Variants in MSH3 observed in about 807,000 individuals in gnomAD.
MSH3 encodes the protein DNA mismatch repair protein Msh3.
A neutral mutation model predicts 123.3 loss-of-function variants in MSH3; 106 were observed. The ratio of observed to expected loss-of-function variants is 0.86; its 90% CI spans 0.73 to 1.01. The LOEUF is 1.01. MSH3 is among the 50% of genes least tolerant of loss of function. MSH3 has a pLI of 0.00. For missense variants in MSH3, 1,459 were observed against 1,347.6 expected, an observed-to-expected ratio of 1.08 and a Z score of -1.29; for synonymous variants, 515 against 481.4, an observed-to-expected ratio of 1.07 and a Z score of -0.91.
At chr5:80,802,675 A>G (rs529578224) in intron 19 of MSH3, among the ~76,000 whole-genome samples, 2 of 152,236 alleles carry the variant, frequency 1.3e-5, no homozygotes, top group African/African-American at 4.8e-5. Context: ...TATTCATTGT[A>G]TGTAACTATA....
At chr5:80,715,132 C>T (rs898763563) in intron 8 of MSH3, 50 of 152,178 alleles carry the variant, frequency 3.3e-4, no homozygotes, top group African/African-American at 1.2e-3. Flanking sequence ...TCAATTTACT[C>T]ATTTTTAAAA....
intron 9 of MSH3, among the ~76,000 whole-genome samples, chr5:80,728,171 C>G (rs2112857336): frequency 6.6e-6 from 1 of 152,220 alleles, no homozygotes; most frequent in East Asian, 1.9e-4. Context: ...GACTTTTGAG[C>G]AAAATAGTCT....
chr5:80,827,050 A>G (rs1448932448), intron 20 of MSH3, among the ~76,000 whole-genome samples: 1 of 152,224 alleles, frequency 6.6e-6, no homozygotes, highest in African/African-American at 2.4e-5. Context: ...TGAATGCATC[A>G]CTGAGATAAG....
intron 20 of MSH3, among the ~76,000 whole-genome samples, chr5:80,839,597 T>A (rs1303043065): frequency 6.6e-6 from 1 of 152,190 alleles, no homozygotes; most frequent in Non-Finnish European, 1.5e-5. Context: ...TGTCCATTTA[T>A]CAATCTCCAT....
intron 20 of MSH3, among the ~76,000 whole-genome samples, chr5:80,821,070 A>C (rs1308119312): frequency 6.6e-6 from 1 of 152,216 alleles, no homozygotes; most frequent in Non-Finnish European, 1.5e-5. Context: ...GTTGTCATGT[A>C]GTTTAAATAA....
chr5:80,759,877 T>C (rs1476412245), intron 12 of MSH3, among the ~76,000 whole-genome samples: 1 of 152,160 alleles, frequency 6.6e-6, no homozygotes, highest in Non-Finnish European at 1.5e-5. Flanking sequence ...TCTGTCTTGC[T>C]CTCCTGCATC....
chr5:80,676,758 G>A (rs1749848701), intron 7 of MSH3, among the ~76,000 whole-genome samples: 1 of 152,156 alleles, frequency 6.6e-6, no homozygotes, highest in South Asian at 2.1e-4. Flanking sequence ...TATACAAATA[G>A]TAAAGTTATT....
At chr5:80,655,114 C>G (rs536150054) in intron 1 of MSH3, 150 bp downstream of exon 1, 1 of 529,114 alleles carries the variant, frequency 1.9e-6, no homozygotes, top group Non-Finnish European at 3.2e-6. Flanking sequence ...AAGAGCCCAG[C>G]CGGGGCTACA....
intron 19 of MSH3, among the ~76,000 whole-genome samples, chr5:80,807,279 T>A (rs1744908605): frequency 6.6e-6 from 1 of 151,312 alleles, no homozygotes; most frequent in Non-Finnish European, 1.5e-5. Flanking sequence ...CATAGGCTAA[T>A]GGATATAAAC....
rs373663416 is a variant in MSH3, at chr5:80,844,616, A to G, written c.2814-9514A>G. Among the ~76,000 whole-genome samples, 13 of 152,142 alleles carry G rather than the reference A, an allele frequency of 8.5e-5. No individual in the cohort carries two copies. In the East Asian group the frequency reaches 2.5e-3, roughly 29 times the overall value. On this transcript the variant is annotated intron_variant, in intron 20 of 23. Transcript: ENST00000265081. ...GGTGCATATATATTTAGGATAGTTA[A>G]GTCTTCCTGTTGAATTGATCCCTTT...
At chr5:80,665,570 T>C (rs941577931) in intron 3 of MSH3, among the ~76,000 whole-genome samples, 1 of 152,152 alleles carries the variant, frequency 6.6e-6, no homozygotes, top group Non-Finnish European at 1.5e-5. Flanking sequence ...AATTGGTTTG[T>C]ATGGGAACAA....
chr5:80,859,295 A>G (rs929878660), intron 21 of MSH3, among the ~76,000 whole-genome samples: 3 of 152,062 alleles, frequency 2.0e-5, no homozygotes, highest in Admixed American at 2.0e-4. Flanking sequence ...TAATTTTTGT[A>G]TTCTTTTTAA....
chr5:80,702,600 G>C (rs1175491977), intron 8 of MSH3, among the ~76,000 whole-genome samples: 1 of 152,176 alleles, frequency 6.6e-6, no homozygotes, highest in Non-Finnish European at 1.5e-5. Context: ...CAGTAGCACA[G>C]CTGTATGCAA....
intron 8 of MSH3, among the ~76,000 whole-genome samples, chr5:80,687,200 G>T (rs1478545419): frequency 6.6e-6 from 1 of 152,136 alleles, no homozygotes; most frequent in Non-Finnish European, 1.5e-5. Context: ...ATTTCAGCCT[G>T]TGTCTTAGGG....
intron 22 of MSH3, among the ~76,000 whole-genome samples, chr5:80,871,974 G>A (rs1746222111): frequency 6.6e-6 from 1 of 152,096 alleles, no homozygotes; most frequent in Non-Finnish European, 1.5e-5. Flanking sequence ...TCCAAAGAAG[G>A]CAAACAGTCG....
At chr5:80,758,990 A>C (rs1057077890) in intron 12 of MSH3, among the ~76,000 whole-genome samples, 1 of 152,208 alleles carries the variant, frequency 6.6e-6, no homozygotes, top group Non-Finnish European at 1.5e-5. Flanking sequence ...TATTTGTATA[A>C]CATTTTGGGT....
chr5:80,792,445 A>T (rs377239822), intron 18 of MSH3, among the ~76,000 whole-genome samples: 2 of 151,940 alleles, frequency 1.3e-5, no homozygotes, highest in South Asian at 4.1e-4. Flanking sequence ...GAAAAAAAAG[A>T]TCTTGTAAAG....
In MSH3 at chr5:80,694,003, G is replaced by A. The variant is rs145346992; in HGVS notation, c.1340+14910G>A. ...AGCAATGGTAAGTTAGTATGGAATT[G>A]GCATATGGAGAGAGTAGCAAATGAA... is the stretch of plus-strand genomic sequence containing the variant. On this transcript the variant is annotated intron_variant, in intron 8 of 23. Coordinates refer to ENST00000265081, the MANE Select transcript of MSH3 (RefSeq NM_002439.5). Among the ~76,000 whole-genome samples the A allele has an allele frequency of 2.8e-3, 419 of 152,230 alleles. 10 individuals are homozygous for A. The highest frequency in any genetic ancestry group is 0.025 in the Admixed American group (382 of 15,276).
chr5:80,816,791 G>A (rs1329272573), intron 20 of MSH3, among the ~76,000 whole-genome samples: 5 of 152,208 alleles, frequency 3.3e-5, no homozygotes, highest in Non-Finnish European at 5.9e-5. Flanking sequence ...TGAGATAAAT[G>A]GAGTTGTCAG....
Sources: allele counts gnomAD v4.1 joint callset (sites outside exome capture counted in the v4.1 genomes callset), GRCh38; gene constraint gnomAD v4.1.1; transcripts MANE v1.5; gene names NCBI Gene and HGNC (gene_info 2026-07-23, HGNC 2026-07-21).